SYNPR: variants seen among roughly 807,000 people sequenced by gnomAD.
SYNPR encodes synaptoporin.
Under a neutral mutation model 32.9 loss-of-function variants are expected in SYNPR, and 23 were observed. The observed-to-expected ratio is 0.70, with a 90% CI of 0.50 to 0.99. The LOEUF is 0.99. Ranked by LOEUF, SYNPR falls within the 50% of genes least tolerant of loss-of-function variation. The pLI, the probability that SYNPR is intolerant of heterozygous loss-of-function variation, is 0.00. For missense variants in SYNPR, 318 were observed against 349.3 expected, an observed-to-expected ratio of 0.91 and a Z score of 0.71; for synonymous variants, 146 against 135.9, an observed-to-expected ratio of 1.07 and a Z score of -0.52.
intron 3 of SYNPR, among the ~76,000 whole-genome samples, chr3:63,549,196 T>C (rs1371578453): frequency 6.6e-6 from 1 of 152,210 alleles, no homozygotes; most frequent in East Asian, 1.9e-4. Flanking sequence ...ACTCTATCAC[T>C]GCTGGGTACC....
intron 2 of SYNPR, among the ~76,000 whole-genome samples, chr3:63,420,877 T>C (rs1699787019): frequency 6.6e-6 from 1 of 152,186 alleles, no homozygotes; most frequent in African/African-American, 2.4e-5. Context: ...GAAGCAATTT[T>C]TTAATTTAAT....
chr3:63,582,970 G>A (rs776213206), intron 4 of SYNPR, among the ~76,000 whole-genome samples: 4 of 151,116 alleles, frequency 2.6e-5, no homozygotes, highest in Non-Finnish European at 5.9e-5. Context: ...CAACAAGGCT[G>A]TTGATTCACT....
chr3:63,591,520 A>G (rs756785182), intron 4 of SYNPR, among the ~76,000 whole-genome samples: 3 of 122,602 alleles, frequency 2.4e-5, no homozygotes, highest in Admixed American at 8.1e-5. Context: ...TGTTTATTGC[A>G]GCATTATTCA....
At chr3:63,365,244 C>A (rs1387888976) in intron 2 of SYNPR, among the ~76,000 whole-genome samples, 1 of 152,088 alleles carries the variant, frequency 6.6e-6, no homozygotes, top group South Asian at 2.1e-4. Flanking sequence ...CAAATGACAT[C>A]ATAACTTTGA....
intron 2 of SYNPR, among the ~76,000 whole-genome samples, chr3:63,439,192 T>C (rs933151596): frequency 6.6e-6 from 1 of 152,230 alleles, no homozygotes; most frequent in Non-Finnish European, 1.5e-5. Flanking sequence ...AAGATCACAG[T>C]TGAAGCTCTG....
chr3:63,562,262 A>G (rs998174116), intron 4 of SYNPR, among the ~76,000 whole-genome samples: 1 of 152,220 alleles, frequency 6.6e-6, no homozygotes, highest in Non-Finnish European at 1.5e-5. Flanking sequence ...TTCCAATATT[A>G]ATGTAAAGCA....
chr3:63,203,183 G>C, the SYNPR span: 3 of 150,056 alleles, frequency 2.0e-5, no homozygotes, highest in African/African-American at 7.5e-5. Flanking sequence ...GGATGAGAGA[G>C]GACAGTGGGG....
chr3:63,252,238 G>A (rs1048176840), intron 1 of SYNPR, among the ~76,000 whole-genome samples: 1 of 152,138 alleles, frequency 6.6e-6, no homozygotes, highest in African/African-American at 2.4e-5. Context: ...AATTTCTCTA[G>A]AGACTGAGAT....
upstream of SYNPR, among the ~76,000 whole-genome samples, chr3:63,275,254 A>C (rs2086564160): frequency 6.6e-6 from 1 of 152,192 alleles, no homozygotes; most frequent in African/African-American, 2.4e-5. Context: ...TAGGGAACCC[A>C]ATGTTATTTC....
chr3:63,494,199 A>G (rs887291536), intron 3 of SYNPR, among the ~76,000 whole-genome samples: 17 of 151,490 alleles, frequency 1.1e-4, no homozygotes, highest in Non-Finnish European at 2.4e-4. Flanking sequence ...AAGAAAAACA[A>G]AAAACTTGAA....
At chr3:63,268,338 A>G (rs2086508240) in intron 3 of SYNPR, among the ~76,000 whole-genome samples, 1 of 152,194 alleles carries the variant, frequency 6.6e-6, no homozygotes. Context: ...ATATTTATAG[A>G]AAATATGGAA....
the SYNPR span, among the ~76,000 whole-genome samples, chr3:63,222,910 G>C: frequency 1.3e-5 from 2 of 152,080 alleles, no homozygotes; most frequent in Non-Finnish European, 2.9e-5. Context: ...CTAGATTTAG[G>C]CATTTGTAAC....
intron 2 of SYNPR, among the ~76,000 whole-genome samples, chr3:63,408,521 G>A (rs547477919): frequency 4.6e-5 from 7 of 152,162 alleles, no homozygotes; most frequent in African/African-American, 1.4e-4. Flanking sequence ...TGAGAACCAC[G>A]AGAGCTGATA....
intron 2 of SYNPR, among the ~76,000 whole-genome samples, chr3:63,286,694 T>A (rs2086686798): frequency 6.6e-6 from 1 of 152,214 alleles, no homozygotes; most frequent in African/African-American, 2.4e-5. Context: ...TCTGTGGGGA[T>A]GTATTTGACT....
At chr3:63,294,501 T>C (rs2086773932) in intron 2 of SYNPR, among the ~76,000 whole-genome samples, 1 of 152,238 alleles carries the variant, frequency 6.6e-6, no homozygotes, top group Non-Finnish European at 1.5e-5. Flanking sequence ...TAGCCAAGGC[T>C]GCCAAACTCA....
intron 4 of SYNPR, among the ~76,000 whole-genome samples, chr3:63,559,212 A>G (rs1702643873): frequency 2.0e-5 from 3 of 151,742 alleles, no homozygotes. Flanking sequence ...AGTAGCAGGG[A>G]CTATAGGCGC....
At chr3:63,366,713 T>A (rs1238574217) in intron 2 of SYNPR, among the ~76,000 whole-genome samples, 2 of 152,166 alleles carry the variant, frequency 1.3e-5, no homozygotes, top group African/African-American at 4.8e-5. Context: ...TGAGTAAGAG[T>A]CATAGTGCCA....
chr3:63,254,686 A>T (rs1038937496), intron 2 of SYNPR, among the ~76,000 whole-genome samples: 1 of 152,186 alleles, frequency 6.6e-6, no homozygotes, highest in Non-Finnish European at 1.5e-5. Context: ...GTTTAGCAGC[A>T]TCCTTGGTAC....
chr3:63,242,987 A>C (rs993294145), intron 1 of SYNPR, among the ~76,000 whole-genome samples: 6 of 152,072 alleles, frequency 3.9e-5, no homozygotes, highest in African/African-American at 1.4e-4. Context: ...CCCATGAGGA[A>C]AAATGTACAT....
Sources: gnomAD v4.1 joint callset for allele counts (sites outside exome capture counted in the v4.1 genomes callset) on GRCh38, gnomAD v4.1.1 for gene constraint, MANE v1.5 for transcripts, NCBI Gene and HGNC (gene_info 2026-07-23, HGNC 2026-07-21) for gene names.